The following CNTN5 variants were observed in gnomAD, a reference collection of about 807,000 sequenced individuals.
The protein encoded by CNTN5 is contactin-5.
CNTN5 carries 77 observed loss-of-function variants against 129.1 expected under a neutral mutation model. The ratio of observed to expected loss-of-function variants is 0.60; its 90% confidence interval spans 0.50 to 0.72. The LOEUF (loss-of-function observed/expected upper bound fraction) is 0.72, where lower values mean the gene tolerates loss of function less well. CNTN5 is among the 30% of genes least tolerant of loss of function. CNTN5 has a pLI of 0.00. For missense variants in CNTN5, 1,478 were observed against 1,328.8 expected (o/e 1.11, Z -1.75); for synonymous variants, 509 against 465.6 (o/e 1.09, Z -1.20).
intron 13 of CNTN5, among the ~76,000 whole-genome samples, chr11:100,124,108 A>G (rs1423105885): frequency 6.6e-6 from 1 of 151,974 alleles, no homozygotes; most frequent in Non-Finnish European, 1.5e-5. Context: ...CTTTTTCAGT[A>G]TTTCCAGAAA....
intron 24 of CNTN5, among the ~76,000 whole-genome samples, chr11:100,352,929 G>T (rs1004643471): frequency 3.3e-5 from 5 of 151,536 alleles, no homozygotes; most frequent in African/African-American, 1.2e-4. Flanking sequence ...ATTTACTGAG[G>T]CCTCATCACG....
chr11:99,983,128 A>G (rs897124118), intron 8 of CNTN5, among the ~76,000 whole-genome samples: 1 of 128,760 alleles, frequency 7.8e-6, no homozygotes, highest in African/African-American at 3.1e-5. Flanking sequence ...TTAAAATGCA[A>G]TGAGACATGT....
At chr11:99,728,775 C>G (rs1943435748) in intron 3 of CNTN5, among the ~76,000 whole-genome samples, 1 of 152,052 alleles carries the variant, frequency 6.6e-6, no homozygotes, top group Non-Finnish European at 1.5e-5. Flanking sequence ...AGCAAAAAGT[C>G]TGAGGTCTGA....
intron 3 of CNTN5, among the ~76,000 whole-genome samples, chr11:99,716,037 T>G (rs1211454140): frequency 6.6e-6 from 1 of 152,046 alleles, no homozygotes; most frequent in East Asian, 1.9e-4. Flanking sequence ...AAAAAAAGTT[T>G]GGAAGATTTT....
At chr11:99,282,350 C>T (rs145504883) in intron 1 of CNTN5, among the ~76,000 whole-genome samples, 1 of 151,948 alleles carries the variant, frequency 6.6e-6, no homozygotes, top group East Asian at 1.9e-4. Context: ...ACTCAGAAGA[C>T]AAGATGATAT....
At chr11:99,417,471 A>C (rs1591649870) in intron 2 of CNTN5, among the ~76,000 whole-genome samples, 1 of 152,280 alleles carries the variant, frequency 6.6e-6, no homozygotes, top group African/African-American at 2.4e-5. Flanking sequence ...GTGAATGTTA[A>C]GTTTTTGCTA....
chr11:99,086,246 A>T (rs1161910936), intron 1 of CNTN5, among the ~76,000 whole-genome samples: 1 of 152,208 alleles, frequency 6.6e-6, no homozygotes, highest in African/African-American at 2.4e-5. Flanking sequence ...ACAGGGTGCC[A>T]TTCCATCTCA....
At chr11:100,113,332 G>A (rs1261898488) in intron 13 of CNTN5, among the ~76,000 whole-genome samples, 1 of 138,548 alleles carries the variant, frequency 7.2e-6, no homozygotes, top group Non-Finnish European at 1.5e-5. Flanking sequence ...AGCTGGTATC[G>A]CCATGTAACC....
chr11:100,067,465 G>T (rs918254035), intron 10 of CNTN5, among the ~76,000 whole-genome samples: 1 of 132,516 alleles, frequency 7.5e-6, no homozygotes, highest in Non-Finnish European at 1.6e-5. Context: ...ACCAAGTTAT[G>T]CCATTTCAGG....
intron 2 of CNTN5, among the ~76,000 whole-genome samples, chr11:99,338,109 G>T (rs1207906363): frequency 6.6e-6 from 1 of 151,978 alleles, no homozygotes; most frequent in Non-Finnish European, 1.5e-5. Flanking sequence ...ATTTACATTA[G>T]CATTATAAGT....
chr11:99,322,068 G>A (rs1372632090), intron 1 of CNTN5, among the ~76,000 whole-genome samples: 6 of 152,096 alleles, frequency 3.9e-5, no homozygotes, highest in Non-Finnish European at 8.8e-5. Flanking sequence ...CTTGTCCCCA[G>A]TTGTATTAGT....
chr11:99,852,102 A>G (rs1947891532), intron 6 of CNTN5, among the ~76,000 whole-genome samples: 1 of 152,220 alleles, frequency 6.6e-6, no homozygotes. Flanking sequence ...AAATTATTAG[A>G]TGTTATTACA....
At position 99,462,297 on chromosome 11, in the gene CNTN5, T is replaced by C. The variant is rs75561609; in HGVS notation, c.-70-93848T>C. On this transcript the variant is annotated intron_variant, in intron 2 of 24. Coordinates refer to ENST00000524871, the MANE Select transcript of CNTN5 (RefSeq NM_014361.4). ...AGAAAGAGAAAGAAACAAGAAACAA[T>C]GGCAGGAAAAAATGTGTAGATTGTC... 8.1e-3 allele frequency among the ~76,000 whole-genome samples: 1,227 copies of C among 151,776 alleles called. 9 individuals are homozygous for C. The highest frequency in any genetic ancestry group is 0.044 in the Middle Eastern group (13 of 294).
At chr11:99,767,944 G>C (rs1944811915) in intron 3 of CNTN5, among the ~76,000 whole-genome samples, 1 of 152,000 alleles carries the variant, frequency 6.6e-6, no homozygotes, top group Admixed American at 6.6e-5. Context: ...GTAGCTCAGG[G>C]ATCTTCAAAC....
At chr11:99,332,065 A>G (rs942494104) in intron 2 of CNTN5, among the ~76,000 whole-genome samples, 3 of 152,122 alleles carry the variant, frequency 2.0e-5, no homozygotes, top group African/African-American at 7.2e-5. Context: ...TTGTTTTAAA[A>G]CATAAAGTTT....
At chr11:99,202,983 T>C (rs1488803083) in intron 1 of CNTN5, among the ~76,000 whole-genome samples, 1 of 145,148 alleles carries the variant, frequency 6.9e-6, no homozygotes, top group Non-Finnish European at 1.5e-5. Flanking sequence ...AAAGAATGAA[T>C]GAAAGAAAGA....
intron 3 of CNTN5, among the ~76,000 whole-genome samples, chr11:99,582,875 G>A (rs1439931681): frequency 6.6e-6 from 1 of 152,186 alleles, no homozygotes; most frequent in African/African-American, 2.4e-5. Flanking sequence ...GAGGAGCTGT[G>A]TTCCTTTGGA....
chr11:99,838,271 G>A (rs542267614), intron 4 of CNTN5, among the ~76,000 whole-genome samples: 50 of 152,188 alleles, frequency 3.3e-4, no homozygotes, highest in Admixed American at 2.0e-3. Context: ...GAAATGAATC[G>A]TTCTTCTTCC....
intron 13 of CNTN5, among the ~76,000 whole-genome samples, chr11:100,137,548 C>G (rs1470980472): frequency 3.3e-5 from 5 of 151,974 alleles, no homozygotes; most frequent in African/African-American, 1.2e-4. Flanking sequence ...ATAGCTATCT[C>G]AAATTATCCA....
Sources: allele counts gnomAD v4.1 joint callset (sites outside exome capture counted in the v4.1 genomes callset), GRCh38; gene constraint gnomAD v4.1.1; transcripts MANE v1.5; gene names NCBI Gene and HGNC (gene_info 2026-07-23, HGNC 2026-07-21).